The following DLGAP2 variants were observed in gnomAD, a reference collection of about 807,000 sequenced individuals.
The protein encoded by DLGAP2 is DLG associated protein 2.
Under a neutral mutation model 100.3 loss-of-function variants are expected in DLGAP2, and 26 were observed. That is an observed-to-expected ratio of 0.26 (90% confidence interval 0.19 to 0.36). DLGAP2 has a LOEUF of 0.36. DLGAP2 is among the 10% of genes least tolerant of loss of function. DLGAP2 has a pLI of 1.00. For missense variants in DLGAP2, 1,858 were observed against 1,453.2 expected (o/e 1.28, Z -4.53); for synonymous variants, 886 against 630.1 (o/e 1.41, Z -6.08).
chr8:807,155 G>A (rs1052252425), intron 1 of DLGAP2, among the ~76,000 whole-genome samples: 3 of 152,176 alleles, frequency 2.0e-5, no homozygotes, highest in Non-Finnish European at 4.4e-5. Flanking sequence ...CTGGTGGCAC[G>A]ACATTTCATC....
intron 6 of DLGAP2, among the ~76,000 whole-genome samples, chr8:1,578,132 A>T (rs945219454): frequency 6.6e-6 from 1 of 152,184 alleles, no homozygotes; most frequent in African/African-American, 2.4e-5. Context: ...TGCACAAAAG[A>T]GCTTCCCAGC....
At chr8:1,315,499 G>C (rs34516256) in intron 3 of DLGAP2, among the ~76,000 whole-genome samples, 41 of 118,508 alleles carry the variant, frequency 3.5e-4, no homozygotes, top group African/African-American at 1.2e-3. Flanking sequence ...AAAATAGAGC[G>C]TGTGCGAGTG....
chr8:1,204,350 C>T (rs991572821), intron 2 of DLGAP2, among the ~76,000 whole-genome samples: 1 of 152,100 alleles, frequency 6.6e-6, no homozygotes, highest in Non-Finnish European at 1.5e-5. Context: ...TGGAAGAACC[C>T]GGGGATTCTG....
At chr8:1,472,234 G>T (rs1798822956) in intron 3 of DLGAP2, among the ~76,000 whole-genome samples, 1 of 152,204 alleles carries the variant, frequency 6.6e-6, no homozygotes, top group African/African-American at 2.4e-5. Context: ...GTTGGGAGGG[G>T]AGGGGGGTTG....
chr8:1,193,629 C>G (rs1797687129), intron 2 of DLGAP2, among the ~76,000 whole-genome samples: 1 of 152,152 alleles, frequency 6.6e-6, no homozygotes, highest in South Asian at 2.1e-4. Flanking sequence ...CTGGTGGATA[C>G]TTAGGTTGCT....
At chr8:773,253 G>C (rs959146349) in intron 1 of DLGAP2, among the ~76,000 whole-genome samples, 5 of 151,814 alleles carry the variant, frequency 3.3e-5, no homozygotes, top group Non-Finnish European at 7.4e-5. Context: ...ATGGTCTCTG[G>C]TGTCTTTACA....
At chr8:915,747 G>T (rs1442593645) in intron 2 of DLGAP2, among the ~76,000 whole-genome samples, 6 of 152,128 alleles carry the variant, frequency 3.9e-5, no homozygotes, top group Admixed American at 3.3e-4. Flanking sequence ...CCGTCCGTCA[G>T]TTCACCCGTC....
chr8:1,307,861 G>C (rs185005613), intron 3 of DLGAP2, among the ~76,000 whole-genome samples: 1 of 152,190 alleles, frequency 6.6e-6, no homozygotes, highest in African/African-American at 2.4e-5. Flanking sequence ...CGGGGACTGG[G>C]CGCTGGAGGG....
Position 1,548,908 on chromosome 8 carries a change from T to A in DLGAP2, c.455T>A (p.Leu152Gln). 1 of 1,597,894 alleles carries A rather than the reference T, an allele frequency of 6.3e-7. No homozygotes were observed. The highest frequency in any genetic ancestry group is 8.5e-7 in the Non-Finnish European group (1 of 1,178,868). The change falls in exon 5 of 15, where the codon CTG (leucine) becomes CAG (glutamine). Residue 152 changes from leucine to glutamine, a missense_variant. By Grantham distance (113) the Leu-to-Gln change is moderately radical. Coordinates refer to ENST00000637795, the MANE Select transcript of DLGAP2 (RefSeq NM_001346810.2). ...HSECVMMPVV[L>Q]GDHVSSSTFP... ...GAGTGCGTGATGATGCCGGTGGTGC[T>A]GGGCGACCACGTGTCCAGCAGCACC...
intron 3 of DLGAP2, among the ~76,000 whole-genome samples, chr8:1,296,362 C>G (rs1328435418): frequency 6.6e-6 from 1 of 152,132 alleles, no homozygotes; most frequent in Non-Finnish European, 1.5e-5. Context: ...TTCCTTTAAT[C>G]TCCCTGGCAC....
intron 4 of DLGAP2, among the ~76,000 whole-genome samples, chr8:1,527,627 C>G (rs1800837399): frequency 6.6e-6 from 1 of 152,188 alleles, no homozygotes; most frequent in Non-Finnish European, 1.5e-5. Context: ...CTGAAATACG[C>G]TTCCTTTTAT....
At chr8:834,298 G>T (rs1796833739) in intron 1 of DLGAP2, among the ~76,000 whole-genome samples, 1 of 152,170 alleles carries the variant, frequency 6.6e-6, no homozygotes, top group African/African-American at 2.4e-5. Flanking sequence ...GCCAGCGTGT[G>T]GCTGTTTTAA....
At chr8:1,196,971 C>T (rs1177550320) in intron 2 of DLGAP2, among the ~76,000 whole-genome samples, 1 of 152,100 alleles carries the variant, frequency 6.6e-6, no homozygotes, top group Non-Finnish European at 1.5e-5. Flanking sequence ...CCCAGGGAAG[C>T]CAGAGGTGTG....
chr8:1,676,070 G>A (rs1481534969), intron 10 of DLGAP2, among the ~76,000 whole-genome samples: 1 of 152,176 alleles, frequency 6.6e-6, no homozygotes, highest in African/African-American at 2.4e-5. Context: ...CTCTGTTTCT[G>A]ATCAGTGCTG....
intron 2 of DLGAP2, among the ~76,000 whole-genome samples, chr8:1,160,227 GTT>G (rs1216912318): frequency 6.6e-6 from 1 of 152,206 alleles, no homozygotes; most frequent in African/African-American, 2.4e-5. Flanking sequence ...AAATAGCACA[GTT>G]TTTCAGCTGG....
chr8:1,704,174 G>A lies in DLGAP2; in HGVS notation c.*2768G>A, dbSNP rs978692007. 2.0e-5 allele frequency: 3 copies of A among 152,594 alleles called. No individual in the cohort carries two copies. Among genetic ancestry groups the A allele is most frequent in the Admixed American group, 6.5e-5 (1 of 15,278 alleles). The allele number at this position is 152,594 out of a possible 1,614,324, so 9.5% of individuals were successfully genotyped here. Reference sequence around the variant, plus strand: ...TAGCAGATCATGCCATGGAGCTCACGACGTGTGACCATTTCGTCATATTTA... The same window carrying A: ...TAGCAGATCATGCCATGGAGCTCACAACGTGTGACCATTTCGTCATATTTA... On this transcript the variant is annotated 3_prime_UTR_variant, in exon 15 of 15. Transcript: ENST00000637795.
At chr8:1,178,088 C>G (rs1797301072) in intron 2 of DLGAP2, among the ~76,000 whole-genome samples, 1 of 152,170 alleles carries the variant, frequency 6.6e-6, no homozygotes, top group South Asian at 2.1e-4. Flanking sequence ...GGGACCTGAG[C>G]TGGTGGTGTC....
rs73532698 is a variant in DLGAP2, at chr8:1,444,247, G to A, written c.107-57119G>A. Among the ~76,000 whole-genome samples the A allele has an allele frequency of 8.0e-3, 1,211 of 152,212 alleles. 16 individuals are homozygous for A. Among genetic ancestry groups the A allele is most frequent in the African/African-American group, 0.027 (1,129 of 41,518 alleles). ...ATTATAGGCATGAGTCACTGCACCC[G>A]TCTCAATATCATCGTCTTCAATACT... On this transcript the variant is annotated intron_variant, in intron 3 of 14. Transcript: ENST00000637795.
At chr8:1,528,079 T>C (rs972700684) in intron 4 of DLGAP2, among the ~76,000 whole-genome samples, 7 of 152,242 alleles carry the variant, frequency 4.6e-5, no homozygotes, top group African/African-American at 1.4e-4. Context: ...ATCAATAACG[T>C]GGCTTCCAGC....
Sources: gnomAD v4.1 joint callset for allele counts (sites outside exome capture counted in the v4.1 genomes callset) on GRCh38, gnomAD v4.1.1 for gene constraint, MANE v1.5 for transcripts, NCBI Gene and HGNC (gene_info 2026-07-23, HGNC 2026-07-21) for gene names.